KCNMA1: variants seen among roughly 807,000 people sequenced by gnomAD.
The protein encoded by KCNMA1 is Calcium-activated potassium channel subunit alpha-1.
Under a neutral mutation model 140.0 loss-of-function variants are expected in KCNMA1, and 29 were observed. The observed-to-expected ratio is 0.21, with a 90% CI of 0.15 to 0.28. The LOEUF is 0.28. Ranked by LOEUF, KCNMA1 falls within the 10% of genes least tolerant of loss-of-function variation. The pLI is 1.00. For missense variants in KCNMA1, 880 were observed against 1,602.2 expected (o/e 0.55, Z 7.70); for synonymous variants, 612 against 611.9 (o/e 1.00, Z 0.00).
chr10:77,577,062 C>A (rs2154562138), intron 1 of KCNMA1, among the ~76,000 whole-genome samples: 1 of 149,822 alleles, frequency 6.7e-6, no homozygotes, highest in African/African-American at 2.5e-5. Context: ...GAGGTAACAG[C>A]AGTAACTGAC....
At chr10:77,537,534 C>G (rs192724054) in intron 1 of KCNMA1, among the ~76,000 whole-genome samples, 48 of 152,300 alleles carry the variant, frequency 3.2e-4, no homozygotes, top group African/African-American at 1.1e-3. Context: ...GGAAATTCCC[C>G]CCATGACTGC....
intron 2 of KCNMA1, among the ~76,000 whole-genome samples, chr10:77,392,332 G>C (rs2095866176): frequency 6.6e-6 from 1 of 151,738 alleles, no homozygotes; most frequent in Non-Finnish European, 1.5e-5. Context: ...AGGCAGGGAG[G>C]GAAACCAACT....
intron 1 of KCNMA1, among the ~76,000 whole-genome samples, chr10:77,465,909 C>T (rs1325304833): frequency 6.6e-6 from 1 of 152,166 alleles, no homozygotes; most frequent in East Asian, 1.9e-4. Flanking sequence ...CCTGCCTCAG[C>T]CTATGGAGAC....
Position 77,108,168 on chromosome 10 carries a change from TG to T in KCNMA1, c.1223+312del. ...CTGACATCACACCCCATGCAGAAAC[TG>T]GGCCTTCCCTCACAGAAGCACCCGG... On this transcript the variant is annotated intron_variant, in intron 9 of 27. Transcript: ENST00000286628. This position sits in a 1 kb window ranked among gnomAD's most constrained non-coding sequence, Gnocchi z 4.6. The T allele has an allele frequency of 1.3e-6, 1 of 792,876 alleles. No individual in the cohort carries two copies. Among genetic ancestry groups the T allele is most frequent in the Non-Finnish European group, 1.9e-6 (1 of 514,656 alleles). The allele number at this position is 792,876 out of a possible 1,614,324, so 49.1% of individuals were successfully genotyped here. A position where few individuals can be genotyped will look rare whatever the true frequency, so the allele number is the denominator to read the frequency against.
intron 1 of KCNMA1, among the ~76,000 whole-genome samples, chr10:77,559,222 C>T (rs1447773081): frequency 6.6e-6 from 1 of 152,202 alleles, no homozygotes; most frequent in Non-Finnish European, 1.5e-5. Context: ...TGCATCCCTA[C>T]CAGGGTGAAA....
At chr10:77,428,018 T>C (rs930109348) in intron 1 of KCNMA1, among the ~76,000 whole-genome samples, 6 of 152,186 alleles carry the variant, frequency 3.9e-5, no homozygotes, top group Non-Finnish European at 8.8e-5. Flanking sequence ...CCCAAAGTGC[T>C]GGGATTACAG....
chr10:76,943,032 C>T (rs994275809), intron 23 of KCNMA1, among the ~76,000 whole-genome samples: 2 of 152,148 alleles, frequency 1.3e-5, no homozygotes, highest in Non-Finnish European at 2.9e-5. Flanking sequence ...TAACAGCCTC[C>T]CCCAACAGAC....
intron 23 of KCNMA1, among the ~76,000 whole-genome samples, chr10:76,925,055 C>A (rs186800850): frequency 6.6e-6 from 1 of 151,814 alleles, no homozygotes; most frequent in Non-Finnish European, 1.5e-5. Context: ...CCTTGAATAA[C>A]TTCTCACATT....
intron 2 of KCNMA1, among the ~76,000 whole-genome samples, chr10:77,299,518 G>A (rs1028514338): frequency 6.6e-6 from 1 of 152,106 alleles, no homozygotes; most frequent in African/African-American, 2.4e-5. Context: ...GGGTCCAAAT[G>A]GACACTTTCT....
chr10:77,523,350 T>C (rs1353131583), intron 1 of KCNMA1, among the ~76,000 whole-genome samples: 1 of 152,164 alleles, frequency 6.6e-6, no homozygotes, highest in Non-Finnish European at 1.5e-5. Context: ...ACTGCCCCAA[T>C]AGTTGGTCCC....
chr10:77,183,623 G>T, intron 4 of KCNMA1, 91 bp from the exon 5 acceptor site: 2 of 912,426 alleles, frequency 2.2e-6, no homozygotes, highest in South Asian at 1.4e-5. Flanking sequence ...GGTAAGTTTT[G>T]AGTTTTCATA....
At chr10:77,441,120 G>A (rs1302514836) in intron 1 of KCNMA1, among the ~76,000 whole-genome samples, 2 of 152,116 alleles carry the variant, frequency 1.3e-5, no homozygotes, top group Non-Finnish European at 2.9e-5. Context: ...ACCGCGCCCG[G>A]CCAAGAATCA....
chr10:77,533,232 A>C (rs560016054), intron 1 of KCNMA1, among the ~76,000 whole-genome samples: 34 of 152,200 alleles, frequency 2.2e-4, no homozygotes, highest in African/African-American at 8.2e-4. Context: ...GTCATACTAC[A>C]CATGCAGGGG....
At chr10:76,947,291 C>T (rs550315372) in intron 22 of KCNMA1, among the ~76,000 whole-genome samples, 36 of 152,220 alleles carry the variant, frequency 2.4e-4, no homozygotes, top group African/African-American at 3.9e-4. Flanking sequence ...GAGCCGAGAT[C>T]GTGCCATTGC....
intron 25 of KCNMA1, among the ~76,000 whole-genome samples, chr10:76,896,248 A>G (rs1182994406): frequency 1.3e-5 from 2 of 152,172 alleles, no homozygotes; most frequent in South Asian, 2.1e-4. Flanking sequence ...TTAATTATTA[A>G]TATTCCTTAC....
At chr10:77,009,919 A>G (rs1032363348) in intron 18 of KCNMA1, among the ~76,000 whole-genome samples, 1 of 152,064 alleles carries the variant, frequency 6.6e-6, no homozygotes, top group Non-Finnish European at 1.5e-5. Context: ...ATTTATTTAC[A>G]TCATCATGGT....
chr10:77,302,723 G>C lies in KCNMA1; in HGVS notation c.541-51467C>G, dbSNP rs56183517. 6.6e-3 allele frequency among the ~76,000 whole-genome samples: 1,003 copies of C among 152,232 alleles called. 5 individuals carry two copies. Among genetic ancestry groups the C allele is most frequent in the Non-Finnish European group, 0.011 (779 of 68,022 alleles). ...GTGTGGCTGAGTCCAGGGTTTTTAT[G>C]GGCTCAGAAAGGGGATGGATACTGA... On this transcript the variant is annotated intron_variant, in intron 2 of 27. Coordinates refer to ENST00000286628, the MANE Select transcript of KCNMA1 (RefSeq NM_001161352.2).
chr10:77,011,999 G>A lies in KCNMA1; in HGVS notation c.2060C>T (p.Pro687Leu). The A allele has an allele frequency of 6.2e-7, 1 of 1,613,802 alleles. No individual in the cohort carries two copies. Among genetic ancestry groups the A allele is most frequent in the Non-Finnish European group, 8.5e-7 (1 of 1,179,870 alleles). The change falls in exon 18 of 28, where the codon CCC (proline) becomes CTC (leucine). Residue 687 changes from proline (P) to leucine (L), a missense_variant. Transcript: ENST00000286628. ...GCAGCCACATTTTTTTATTCTTTTG[G>A]GATCTGTGATGTCATCATGACAGGC... ...CKACHDDITD[P>L]KRIKKCGCKR... is the part of the protein sequence containing the mutation.
chr10:77,630,667 G>C (rs2093076139), intron 1 of KCNMA1, among the ~76,000 whole-genome samples: 1 of 152,144 alleles, frequency 6.6e-6, no homozygotes, highest in African/African-American at 2.4e-5. Context: ...CTGAGGGATG[G>C]ACCAGATCCT....
Sources: allele counts gnomAD v4.1 joint callset (sites outside exome capture counted in the v4.1 genomes callset), GRCh38; gene constraint gnomAD v4.1.1; non-coding constraint Gnocchi (gnomAD v3.1); transcripts MANE v1.5; gene names NCBI Gene and HGNC (gene_info 2026-07-23, HGNC 2026-07-21).